The following KLF12 variants were observed in gnomAD, a reference collection of about 807,000 sequenced individuals.
KLF12 encodes Krueppel-like factor 12.
Under a neutral mutation model 37.8 loss-of-function variants are expected in KLF12, and 9 were observed. The observed-to-expected ratio is 0.24, with a 90% CI of 0.14 to 0.42. The LOEUF is 0.42. Ranked by LOEUF, KLF12 falls within the 10% of genes least tolerant of loss-of-function variation. KLF12 has a pLI of 1.00. For missense variants in KLF12, 411 were observed against 516.0 expected (o/e 0.80, Z 1.97); for synonymous variants, 208 against 202.1 (o/e 1.03, Z -0.25).
chr13:74,245,180 G>A, the KLF12 span, among the ~76,000 whole-genome samples: 1 of 152,146 alleles, frequency 6.6e-6, no homozygotes, highest in African/African-American at 2.4e-5. Flanking sequence ...ACAGATACAA[G>A]AAAAGAAGAA....
intron 2 of KLF12, among the ~76,000 whole-genome samples, chr13:73,988,610 T>C (rs1891887178): frequency 6.6e-6 from 1 of 152,202 alleles, no homozygotes; most frequent in South Asian, 2.1e-4. Flanking sequence ...GAATTGGCGA[T>C]GATTCTATTC....
At chr13:73,961,586 C>G (rs1891022080) in intron 2 of KLF12, among the ~76,000 whole-genome samples, 1 of 152,046 alleles carries the variant, frequency 6.6e-6, no homozygotes, top group African/African-American at 2.4e-5. Flanking sequence ...GTTAAAAACT[C>G]CAGGGGGACC....
At chr13:73,953,851 T>C (rs1593777021) in intron 2 of KLF12, among the ~76,000 whole-genome samples, 1 of 152,248 alleles carries the variant, frequency 6.6e-6, no homozygotes, top group African/African-American at 2.4e-5. Context: ...GTTTTTAAAG[T>C]GTGACCATTC....
rs1039014272 is a variant in KLF12, at chr13:73,846,435, G to A, written c.124-62C>T. The A allele has an allele frequency of 7.2e-6, 10 of 1,393,250 alleles. No individual in the cohort carries two copies. In the Admixed American group the frequency reaches 8.5e-5, roughly 12 times the overall value. The allele number at this position is 1,393,250 out of a possible 1,614,324, so 86.3% of individuals were successfully genotyped here. ...TTTATCACACATTTTATCGATGCAT[G>A]GCTTACCACTTGAACGTTTATTACT... On this transcript the variant is annotated intron_variant, in intron 3 of 7. Coordinates refer to ENST00000377669, the MANE Select transcript of KLF12 (RefSeq NM_007249.5).
chr13:73,825,345 C>T (rs150636406), intron 4 of KLF12, among the ~76,000 whole-genome samples: 150 of 152,162 alleles, frequency 9.9e-4, no homozygotes, highest in Middle Eastern at 3.4e-3. Context: ...GCAGTATCTC[C>T]GGAAATGACT....
chr13:74,081,271 T>A (rs997311564), intron 1 of KLF12, among the ~76,000 whole-genome samples: 1 of 152,194 alleles, frequency 6.6e-6, no homozygotes. Flanking sequence ...AAACTTCCAC[T>A]GAGATAATAC....
At chr13:74,167,521 T>C in the KLF12 span, among the ~76,000 whole-genome samples, 96 of 152,372 alleles carry the variant, frequency 6.3e-4, no homozygotes, top group African/African-American at 2.2e-3. Flanking sequence ...ATAAAAATTT[T>C]GATGGGATTC....
At chr13:73,980,305 TAA>T (rs1891658191) in intron 2 of KLF12, among the ~76,000 whole-genome samples, 1 of 152,132 alleles carries the variant, frequency 6.6e-6, no homozygotes, top group African/African-American at 2.4e-5. Flanking sequence ...ACCAAATCCT[TAA>T]AGAGTAGATA....
chr13:73,723,109 GA>G (rs547300901), intron 6 of KLF12, among the ~76,000 whole-genome samples: 116 of 152,040 alleles, frequency 7.6e-4, no homozygotes, highest in South Asian at 1.7e-3. Flanking sequence ...AATCAAAATA[GA>G]AAAAAACGAA....
In KLF12 at chr13:73,782,251, A is replaced by T. The variant is rs78582618; in HGVS notation, c.807-17251T>A. ...GGGGATAGTTCAAAACAATGCCTGGAGCACAGTGTGTTCTATCCAAGTCTC... is the reference window on the plus strand; with the variant it reads ...GGGGATAGTTCAAAACAATGCCTGGTGCACAGTGTGTTCTATCCAAGTCTC... On this transcript the variant is annotated intron_variant, in intron 5 of 7. Transcript: ENST00000377669. 9.7e-3 allele frequency among the ~76,000 whole-genome samples: 1,479 copies of T among 152,318 alleles called. 23 individuals carry two copies. The highest frequency in any genetic ancestry group is 0.033 in the African/African-American group (1,383 of 41,570).
chr13:74,079,804 T>C (rs1874773006), intron 1 of KLF12, among the ~76,000 whole-genome samples: 1 of 152,184 alleles, frequency 6.6e-6, no homozygotes, highest in African/African-American at 2.4e-5. Context: ...GTACAACTGC[T>C]AAGAAAAACA....
intron 3 of KLF12, among the ~76,000 whole-genome samples, chr13:73,903,793 C>T (rs1222442600): frequency 6.6e-6 from 1 of 152,186 alleles, no homozygotes; most frequent in African/African-American, 2.4e-5. Context: ...TGAGCTCCAC[C>T]ACCTGCCAGC....
At chr13:73,747,226 T>C (rs1189291255) in intron 6 of KLF12, among the ~76,000 whole-genome samples, 3 of 152,080 alleles carry the variant, frequency 2.0e-5, no homozygotes, top group Non-Finnish European at 4.4e-5. Context: ...CTTCCTTACA[T>C]GCACACAATT....
At position 73,925,615 on chromosome 13, in the gene KLF12, T is replaced by A. The variant is rs147562060; in HGVS notation, c.123+18366A>T. Among the ~76,000 whole-genome samples the A allele has an allele frequency of 5.4e-3, 823 of 152,312 alleles. 4 individuals carry two copies. Among genetic ancestry groups the A allele is most frequent in the African/African-American group, 0.017 (715 of 41,564 alleles). On this transcript the variant is annotated intron_variant, in intron 3 of 7. Coordinates refer to ENST00000377669, the MANE Select transcript of KLF12 (RefSeq NM_007249.5). ...ATCCATTCTGCAGCCCGTGGATAAG[T>A]AGTCATTTTGATTTTCAATTATTAT...
intron 1 of KLF12, among the ~76,000 whole-genome samples, chr13:74,049,972 TTTGTTGTTG>T (rs3079826): frequency 6.6e-6 from 1 of 151,216 alleles, no homozygotes; most frequent in African/African-American, 2.4e-5. Flanking sequence ...TGATGGTGGT[TTTGTTGTTG>T]TTGTTGTTGT....
intron 3 of KLF12, among the ~76,000 whole-genome samples, chr13:73,854,728 T>A (rs1317359869): frequency 6.6e-6 from 1 of 152,156 alleles, no homozygotes; most frequent in Non-Finnish European, 1.5e-5. Context: ...AATCTCCCCA[T>A]ATACTTTAAA....
chr13:73,924,501 G>A (rs1013096854), intron 3 of KLF12, among the ~76,000 whole-genome samples: 2 of 152,074 alleles, frequency 1.3e-5, no homozygotes, highest in Admixed American at 1.3e-4. Flanking sequence ...GCCCATAGAA[G>A]ACTATGAACT....
chr13:74,300,714 C>G, the KLF12 span, among the ~76,000 whole-genome samples: 1 of 152,062 alleles, frequency 6.6e-6, no homozygotes, highest in Non-Finnish European at 1.5e-5. Flanking sequence ...TTCTGTTTGC[C>G]ATCTGATAGT....
chr13:73,824,140 C>A (rs954626802), intron 4 of KLF12, among the ~76,000 whole-genome samples: 10 of 151,660 alleles, frequency 6.6e-5, no homozygotes, highest in African/African-American at 1.7e-4. Flanking sequence ...AAAAAAAAAA[C>A]CCTATCAAAG....
Sources: gnomAD v4.1 joint callset for allele counts (sites outside exome capture counted in the v4.1 genomes callset) on GRCh38, gnomAD v4.1.1 for gene constraint, MANE v1.5 for transcripts, NCBI Gene and HGNC (gene_info 2026-07-23, HGNC 2026-07-21) for gene names.